Variants in ARHGEF4 observed in about 807,000 individuals in gnomAD.
ARHGEF4 encodes the protein Rho guanine nucleotide exchange factor 4, also known as APC-stimulated guanine nucleotide exchange factor 1.
Under a neutral mutation model 162.0 loss-of-function variants are expected in ARHGEF4, and 119 were observed. That is an observed-to-expected ratio of 0.73 (90% confidence interval 0.63 to 0.86). ARHGEF4 has a LOEUF of 0.86. ARHGEF4 is among the 40% of genes least tolerant of loss of function. The pLI, the probability that ARHGEF4 is intolerant of heterozygous loss-of-function variation, is 0.00. For missense variants in ARHGEF4, 2,488 were observed against 2,456.0 expected (o/e 1.01, Z -0.28); for synonymous variants, 1,014 against 979.9 (o/e 1.03, Z -0.65).
At chr2:130,854,741 A>T (rs1012891008) in intron 1 of ARHGEF4, among the ~76,000 whole-genome samples, 1 of 152,082 alleles carries the variant, frequency 6.6e-6, no homozygotes, top group African/African-American at 2.4e-5. Flanking sequence ...TAGAATGGGG[A>T]TGTCATCAGG....
intron 4 of ARHGEF4, among the ~76,000 whole-genome samples, chr2:130,983,323 A>G (rs1686250116): frequency 1.3e-5 from 2 of 152,216 alleles, no homozygotes; most frequent in Non-Finnish European, 2.9e-5. Flanking sequence ...GTCACTAATA[A>G]CTCAGAAGAT....
intron 4 of ARHGEF4, among the ~76,000 whole-genome samples, chr2:130,969,064 C>T (rs990597174): frequency 2.0e-5 from 3 of 152,184 alleles, no homozygotes; most frequent in Admixed American, 2.0e-4. Context: ...GTAGAAAATG[C>T]ATTTAGTACG....
chr2:131,036,910 C>T (rs528601506), intron 5 of ARHGEF4, among the ~76,000 whole-genome samples: 19 of 152,284 alleles, frequency 1.2e-4, no homozygotes, highest in Non-Finnish European at 2.8e-4. Flanking sequence ...AGGGCCTCAG[C>T]GGGGTGAGCC....
chr2:130,930,388 C>T (rs1292733044), intron 2 of ARHGEF4, among the ~76,000 whole-genome samples: 1 of 152,092 alleles, frequency 6.6e-6, no homozygotes, highest in East Asian at 1.9e-4. Context: ...CTGGTGATGC[C>T]AACACAGGCC....
In ARHGEF4 at chr2:131,038,431, C is replaced by CCCAGCCTCTCCCTCCTGCAGCCTTGCAGT. The variant is rs1558887695; in HGVS notation, c.4126-422_4126-421insCCAGCCTCTCCCTCCTGCAGCCTTGCAGT. Among the ~76,000 whole-genome samples, 390 of 146,446 alleles carry CCCAGCCTCTCCCTCCTGCAGCCTTGCAGT rather than the reference C, an allele frequency of 2.7e-3. 4 individuals carry two copies. The highest frequency in any genetic ancestry group is 8.9e-3 in the African/African-American group (347 of 38,994). ...GCCTCTCCCTCCTGCAGCCTTGCAG[C>CCCAGCCTCTCCCTCCTGCAGCCTTGCAGT]GCCCAGCCTCTCCCTCCTGCAGCCT... On this transcript the variant is annotated intron_variant, in intron 5 of 13. Transcript: ENST00000409359.
intron 1 of ARHGEF4, among the ~76,000 whole-genome samples, chr2:130,882,351 A>G (rs1472660165): frequency 1.3e-5 from 2 of 151,978 alleles, no homozygotes. Flanking sequence ...GCAGACATCT[A>G]TTTCCCCCAG....
intron 1 of ARHGEF4, among the ~76,000 whole-genome samples, chr2:130,842,685 C>A (rs536212962): frequency 6.6e-6 from 1 of 152,192 alleles, no homozygotes; most frequent in Non-Finnish European, 1.5e-5. Context: ...ACATCTTCCA[C>A]GTGGTAATGT....
intron 2 of ARHGEF4, among the ~76,000 whole-genome samples, chr2:130,928,446 C>T (rs928288479): frequency 6.6e-6 from 1 of 152,208 alleles, no homozygotes; most frequent in Non-Finnish European, 1.5e-5. Context: ...GTGGTCCCCA[C>T]AAGCTGGAGA....
chr2:131,028,216 C>T lies in ARHGEF4; in HGVS notation c.4125+132C>T, dbSNP rs576482952. Reference sequence around the variant, plus strand: ...TGCTGGTGGTGCTGGCCATACACAGCGCAGTTTCAGCCTGCAGTCCTCATT... The same window carrying T: ...TGCTGGTGGTGCTGGCCATACACAGTGCAGTTTCAGCCTGCAGTCCTCATT... On this transcript the variant is annotated intron_variant, in intron 5 of 13. Coordinates refer to ENST00000409359, the MANE Select transcript of ARHGEF4 (RefSeq NM_001367493.1). 376 of 1,318,044 alleles carry T rather than the reference C, an allele frequency of 2.9e-4. No individual in the cohort carries two copies. In the African/African-American group the frequency reaches 3.5e-3, roughly 12 times the overall value. The allele number at this position is 1,318,044 out of a possible 1,614,324, so 81.6% of individuals were successfully genotyped here. A position where few individuals can be genotyped will look rare whatever the true frequency, so the allele number is the denominator to read the frequency against.
At chr2:130,899,660 A>C (rs990184946) in intron 1 of ARHGEF4, among the ~76,000 whole-genome samples, 1 of 152,138 alleles carries the variant, frequency 6.6e-6, no homozygotes, top group Non-Finnish European at 1.5e-5. Flanking sequence ...TGCTCTGGGG[A>C]TGGAGAGGAC....
At chr2:130,924,140 C>CA (rs1317771469) in intron 2 of ARHGEF4, among the ~76,000 whole-genome samples, 1 of 151,748 alleles carries the variant, frequency 6.6e-6, no homozygotes, top group Non-Finnish European at 1.5e-5. Flanking sequence ...CTCGGCCTCC[C>CA]AAAGTGCTGG....
At chr2:131,034,054 C>A (rs1304013787) in intron 5 of ARHGEF4, among the ~76,000 whole-genome samples, 3 of 152,204 alleles carry the variant, frequency 2.0e-5, no homozygotes, top group African/African-American at 7.2e-5. Context: ...ATTCAGGGTA[C>A]ACTCACCTAT....
At chr2:130,884,468 A>G (rs1679387234) in intron 1 of ARHGEF4, among the ~76,000 whole-genome samples, 1 of 152,090 alleles carries the variant, frequency 6.6e-6, no homozygotes, top group Admixed American at 6.6e-5. Context: ...TAAGATGAAG[A>G]TGATTATAAT....
intron 4 of ARHGEF4, among the ~76,000 whole-genome samples, chr2:130,988,016 G>A (rs1375889988): frequency 6.6e-6 from 1 of 152,152 alleles, no homozygotes; most frequent in Non-Finnish European, 1.5e-5. Flanking sequence ...GTAAAATCAG[G>A]AAGATAACAT....
chr2:130,847,499 G>A (rs768968648), intron 1 of ARHGEF4, among the ~76,000 whole-genome samples: 5 of 152,202 alleles, frequency 3.3e-5, no homozygotes, highest in Non-Finnish European at 7.3e-5. Context: ...TCTGTAAAAC[G>A]AGGATAATGG....
chr2:131,012,102 C>T (rs192922118), intron 4 of ARHGEF4, among the ~76,000 whole-genome samples: 69 of 151,850 alleles, frequency 4.5e-4, no homozygotes, highest in Non-Finnish European at 7.6e-4. Flanking sequence ...GAGATCAGGA[C>T]GCCTGTGGCT....
intron 1 of ARHGEF4, among the ~76,000 whole-genome samples, chr2:130,890,357 T>G (rs1679789754): frequency 6.6e-6 from 1 of 152,212 alleles, no homozygotes; most frequent in African/African-American, 2.4e-5. Context: ...AGATCAGGAA[T>G]TCAAGACCAG....
At chr2:130,895,228 C>T (rs1680088191) in intron 1 of ARHGEF4, among the ~76,000 whole-genome samples, 1 of 152,114 alleles carries the variant, frequency 6.6e-6, no homozygotes, top group South Asian at 2.1e-4. Context: ...AGCACCATGC[C>T]TTGAGACCTC....
chr2:130,900,545 TTCC>T (rs1465075960), intron 1 of ARHGEF4, among the ~76,000 whole-genome samples: 4 of 152,228 alleles, frequency 2.6e-5, no homozygotes, highest in Non-Finnish European at 4.4e-5. Flanking sequence ...TTGTATTTGC[TTCC>T]TTTTTATAAT....
Sources: gnomAD v4.1 joint callset for allele counts (sites outside exome capture counted in the v4.1 genomes callset) on GRCh38, gnomAD v4.1.1 for gene constraint, MANE v1.5 for transcripts, NCBI Gene and HGNC (gene_info 2026-07-23, HGNC 2026-07-21) for gene names.